The following GOLGA1 variants were observed in gnomAD, a reference collection of about 807,000 sequenced individuals.
GOLGA1 encodes the protein golgin A1.
In GOLGA1, 63 loss-of-function variants were observed where a neutral mutation model predicts 119.7. The ratio of observed to expected loss-of-function variants is 0.53; its 90% CI spans 0.43 to 0.65. The LOEUF (loss-of-function observed/expected upper bound fraction) is 0.65. Among genes scored for constraint, GOLGA1 ranks in the 30% least tolerant of loss-of-function variants. The pLI is 0.00. For synonymous variants in GOLGA1, 318 were observed against 333.4 expected (o/e 0.95, Z 0.50); for missense variants, 798 against 912.8 (o/e 0.87, Z 1.62).
At chr9:124,912,130 T>C (rs1830353243) in intron 10 of GOLGA1, 104 bp from the exon 11 acceptor site, 1 of 963,202 alleles carries the variant, frequency 1.0e-6, no homozygotes. Context: ...TCCTCAACTG[T>C]ATCCTAGAAG....
intron 12 of GOLGA1, among the ~76,000 whole-genome samples, chr9:124,905,091 G>C (rs1030792257): frequency 6.6e-6 from 1 of 150,880 alleles, no homozygotes; most frequent in Non-Finnish European, 1.5e-5. Context: ...GGTTGTGGTA[G>C]GCTGAGATCA....
chr9:124,921,952 G>T (rs1830578682), intron 8 of GOLGA1, 60 bp from the exon 9 acceptor site: 2 of 1,416,844 alleles, frequency 1.4e-6, no homozygotes, highest in African/African-American at 2.9e-5. Context: ...TTAAGATCAG[G>T]CATGCTGGCT....
intron 6 of GOLGA1, 124 bp from the exon 7 acceptor site, chr9:124,926,865 A>G (rs1830684677): frequency 2.2e-5 from 13 of 578,204 alleles, no homozygotes; most frequent in Non-Finnish European, 9.3e-6. Flanking sequence ...CAAAAAAGCC[A>G]ATTAAAAAAA....
chr9:124,881,685 G>A lies in GOLGA1; in HGVS notation c.2136+99C>T. The A allele has an allele frequency of 2.4e-6, 2 of 824,324 alleles. No individual in the cohort carries two copies. The highest frequency in any genetic ancestry group is 3.5e-5 in the South Asian group (2 of 56,940). The allele number at this position is 824,324 out of a possible 1,614,324, so 51.1% of individuals were successfully genotyped here. On this transcript the variant is annotated intron_variant, in intron 21 of 22. Coordinates refer to ENST00000373555, the MANE Select transcript of GOLGA1 (RefSeq NM_002077.4). The surrounding 1 kb of genome is among the most constrained non-coding windows in gnomAD (Gnocchi z 4.9). ...GACCACAAGGGCGTCAAACCAGGAT[G>A]TACGAGGAAAAGAGAGAAAGGGGCT...
In GOLGA1 at chr9:124,884,335, C is replaced by A. The variant is rs886638027; in HGVS notation, c.1906-1766G>T. Among the ~76,000 whole-genome samples the A allele has an allele frequency of 2.6e-5, 4 of 152,208 alleles. No individual in the cohort carries two copies. The East Asian group carries it at 7.7e-4, about 29-fold the overall frequency. On this transcript the variant is annotated intron_variant, in intron 19 of 22. Transcript: ENST00000373555. ...TTTTAAATAAAAATTTATTCAAAGT[C>A]TCTGAATGGTAATATATCAAAATGC...
intron 14 of GOLGA1, 48 bp from the exon 15 acceptor site, chr9:124,898,692 T>C: frequency 2.7e-6 from 3 of 1,102,228 alleles, no homozygotes; most frequent in South Asian, 2.5e-5. Flanking sequence ...ACTACCATAT[T>C]TCCCTGGGCA....
At chr9:124,891,228 T>C (rs535139589) in intron 15 of GOLGA1, among the ~76,000 whole-genome samples, 62 of 152,060 alleles carry the variant, frequency 4.1e-4, no homozygotes, top group Non-Finnish European at 8.7e-4. Context: ...GGAGGTGGGG[T>C]TGACAGTGCC....
intron 12 of GOLGA1, among the ~76,000 whole-genome samples, chr9:124,907,555 T>C (rs1830258287): frequency 1.3e-5 from 2 of 152,126 alleles, no homozygotes; most frequent in South Asian, 4.1e-4. Context: ...GGACTGAAAC[T>C]GATAAAGCAT....
At chr9:124,904,533 GCA>G (rs1336541307) in intron 12 of GOLGA1, among the ~76,000 whole-genome samples, 2 of 152,204 alleles carry the variant, frequency 1.3e-5, no homozygotes, top group African/African-American at 4.8e-5. Flanking sequence ...AAATTGGCCA[GCA>G]CAGTTACTCA....
At chr9:124,900,744 CTTT>C (rs1301067233) in intron 12 of GOLGA1, among the ~76,000 whole-genome samples, 197 bp from the exon 13 acceptor site, 1 of 152,152 alleles carries the variant, frequency 6.6e-6, no homozygotes, top group Non-Finnish European at 1.5e-5. Flanking sequence ...CTTTTAATGA[CTTT>C]TGTTTATAGC....
chr9:124,931,340 G>T lies in GOLGA1; in HGVS notation c.202C>A (p.Arg68=). ...CCAGAAAGTCTGGCCTCTAACTTCCGTATCTGTTCATTCCTTCTCAGAAGC... is the reference window on the plus strand; with the variant it reads ...CCAGAAAGTCTGGCCTCTAACTTCCTTATCTGTTCATTCCTTCTCAGAAGC... ...SQLLRRNEQI[R]KLEARLSDYA... The change falls in exon 4 of 23, where the codon CGG becomes AGG. Residue 68 remains arginine, a synonymous_variant. Transcript: ENST00000373555. 1.3e-6 allele frequency: 2 copies of T among 1,578,946 alleles called. No homozygotes were observed. The highest frequency in any genetic ancestry group is 1.7e-6 in the Non-Finnish European group (2 of 1,148,138).
chr9:124,898,425 G>A lies in GOLGA1; in HGVS notation c.1407+124C>T. 5 of 634,814 alleles carry A rather than the reference G, an allele frequency of 7.9e-6. No homozygotes were observed. The East Asian group carries it at 1.4e-4, about 17-fold the overall frequency. 39.3% of individuals were successfully genotyped at this position (634,814 alleles called of 1,614,324 possible). ...GGCAATTTCTGGCCGATGCCTAACA[G>A]AACTATTGAACAAATGCTAATTCTC... On this transcript the variant is annotated intron_variant, in intron 15 of 22. Coordinates refer to ENST00000373555, the MANE Select transcript of GOLGA1 (RefSeq NM_002077.4).
At chr9:124,899,951 G>A (rs1022644617) in intron 13 of GOLGA1, among the ~76,000 whole-genome samples, 1 of 152,244 alleles carries the variant, frequency 6.6e-6, no homozygotes, top group African/African-American at 2.4e-5. Context: ...GGATGACAGT[G>A]CATAATTCTC....
chr9:124,914,070 GA>G (rs975420318), intron 10 of GOLGA1, among the ~76,000 whole-genome samples: 4 of 150,530 alleles, frequency 2.7e-5, no homozygotes, highest in Admixed American at 6.6e-5. Flanking sequence ...AGTGTGATAG[GA>G]AAAAAAAAGC....
chr9:124,932,944 ACCT>A (rs1438302628), intron 3 of GOLGA1, among the ~76,000 whole-genome samples: 1 of 151,838 alleles, frequency 6.6e-6, no homozygotes, highest in Non-Finnish European at 1.5e-5. Flanking sequence ...GAGACGATTC[ACCT>A]CCTCATTCCA....
chr9:124,943,619 G>A (rs1363189106), upstream of GOLGA1: 5 of 152,202 alleles, frequency 3.3e-5, no homozygotes, highest in South Asian at 4.1e-4. Context: ...CTAGAAAATC[G>A]AGTAATTATA....
At chr9:124,891,999 G>A (rs1422526217) in intron 15 of GOLGA1, among the ~76,000 whole-genome samples, 1 of 150,994 alleles carries the variant, frequency 6.6e-6, no homozygotes, top group Admixed American at 6.6e-5. Flanking sequence ...TTGTTGCCCA[G>A]GCTGGAGTGC....
At chr9:124,887,966 G>A (rs1829761885) in intron 19 of GOLGA1, among the ~76,000 whole-genome samples, 1 of 152,212 alleles carries the variant, frequency 6.6e-6, no homozygotes, top group African/African-American at 2.4e-5. Context: ...GCTATGGCCT[G>A]GCTGGGGACA....
intron 15 of GOLGA1, among the ~76,000 whole-genome samples, chr9:124,897,866 G>A (rs1465181836): frequency 1.3e-5 from 2 of 152,162 alleles, no homozygotes; most frequent in African/African-American, 4.8e-5. Context: ...CTGCTGCCAA[G>A]GGATCAATAA....
Sources: gnomAD v4.1 joint callset for allele counts (sites outside exome capture counted in the v4.1 genomes callset) on GRCh38, gnomAD v4.1.1 for gene constraint, Gnocchi (gnomAD v3.1) non-coding constraint, MANE v1.5 for transcripts, NCBI Gene and HGNC (gene_info 2026-07-23, HGNC 2026-07-21) for gene names.